The following PARP10 variants were observed in gnomAD, a reference collection of about 807,000 sequenced individuals.
PARP10 encodes protein mono-ADP-ribosyltransferase PARP10.
PARP10 carries 56 observed loss-of-function variants against 82.4 expected under a neutral mutation model. The observed-to-expected ratio is 0.68, with a 90% confidence interval of 0.55 to 0.85. PARP10 has a LOEUF of 0.85. Among genes scored for constraint, PARP10 ranks in the 40% least tolerant of loss-of-function variants. The probability of loss-of-function intolerance (pLI) is 0.00; values close to 1 mark genes in which losing one functional copy is unlikely to be tolerated. For synonymous variants in PARP10, 576 were observed against 601.1 expected (o/e 0.96, Z 0.61); for missense variants, 1,227 against 1,379.4 (o/e 0.89, Z 1.75).
Position 143,985,134 on chromosome 8 carries a change from C to T in PARP10, c.868G>A (p.Ala290Thr), listed in dbSNP as rs199611396. The T allele has an allele frequency of 9.9e-6, 16 of 1,613,990 alleles. No individual in the cohort carries two copies. Among genetic ancestry groups the T allele is most frequent in the Non-Finnish European group, 1.4e-5 (16 of 1,180,024 alleles). The change falls in exon 5 of 11, where the codon GCA becomes ACA. Residue 290 changes from alanine to threonine, a missense_variant. Ala to Thr is a moderately conservative substitution (Grantham distance 58). Transcript: ENST00000313028. ...CCAGAGCCCATTGTCACAGTCCCTG[C>T]ACCCTGCAGAGCCGTCACCAACCCT... ...TGGLVTALQG[A>T]GTVTMGSGEE...
At chr8:144,005,716 A>G (rs782183300) in intron 1 of PARP10, among the ~76,000 whole-genome samples, 48 of 150,358 alleles carry the variant, frequency 3.2e-4, no homozygotes, top group Non-Finnish European at 1.5e-4. Context: ...CCTGCTACCC[A>G]CCCCAGGGCG....
intron 1 of PARP10, chr8:144,012,328 A>G: frequency 1.7e-6 from 1 of 602,974 alleles, no homozygotes; most frequent in Non-Finnish European, 3.0e-6. Context: ...TGGCATGGAG[A>G]GCTGAGGGTG....
At chr8:143,984,482 G>C in intron 5 of PARP10, 51 bp from the exon 6 acceptor site, 1 of 1,591,600 alleles carries the variant, frequency 6.3e-7, no homozygotes. Flanking sequence ...CACAGGAAAG[G>C]TACTTTGAGT....
intron 9 of PARP10, among the ~76,000 whole-genome samples, chr8:143,982,207 C>T (rs975878502): frequency 3.9e-5 from 6 of 152,010 alleles, no homozygotes; most frequent in Non-Finnish European, 7.4e-5. Flanking sequence ...CGGTGGCTCA[C>T]GCCTGTAATC....
intron 1 of PARP10, among the ~76,000 whole-genome samples, chr8:143,997,679 G>A (rs1433285406): frequency 1.3e-5 from 2 of 151,982 alleles, no homozygotes; most frequent in Non-Finnish European, 2.9e-5. Context: ...ACTGAACTGA[G>A]TCCCAGGAGT....
chr8:144,010,742 G>T (rs782802405), intron 1 of PARP10, among the ~76,000 whole-genome samples: 6 of 151,592 alleles, frequency 4.0e-5, no homozygotes, highest in African/African-American at 1.5e-4. Context: ...AAAATTAGCC[G>T]AGTGTGGTGG....
Position 143,986,387 on chromosome 8 carries a change from C to T in PARP10, c.-28G>A. ...CCCGTGGCCGCTAGGCAGCCTCAGG[C>T]CATGAGCTCAGCCAGGACTCCTGTG... is the stretch of plus-strand genomic sequence containing the variant. On this transcript the variant is annotated 5_prime_UTR_variant, in exon 1 of 11. Coordinates refer to ENST00000313028, the MANE Select transcript of PARP10 (RefSeq NM_032789.5). 6.2e-7 allele frequency: 1 copy of T among 1,614,170 alleles called. No individual in the cohort carries two copies. The highest frequency in any genetic ancestry group is 8.5e-7 in the Non-Finnish European group (1 of 1,180,014).
Position 144,012,714 on chromosome 8 carries a change from C to T in PARP10, c.-264G>A, listed in dbSNP as rs1043014576. 67 of 1,551,558 alleles carry T rather than the reference C, an allele frequency of 4.3e-5. No homozygotes were observed. In the Admixed American group the frequency reaches 4.5e-4, roughly 10 times the overall value. ...TGAGGCAACAGCAGGCCTTTCCTCA[C>T]GCCAGAACAATGGTAAGAGGCCTCG... On this transcript the variant is annotated 5_prime_UTR_variant, in exon 1 of 4. Coordinates refer to the PARP10 transcript ENST00000530478.
rs1834251966 is a variant in PARP10 at position 144,008,825 on chromosome 8, T to G, written c.-80+3705A>C. On this transcript the variant is annotated intron_variant, in intron 1 of 3. Coordinates refer to the PARP10 transcript ENST00000530478. The surrounding 1 kb of genome is among the most constrained non-coding windows in gnomAD (Gnocchi z 4.0). ...TATACCAAGCTCAAACCCAACAGAC[T>G]TGGATACCAAAGGACACTTTGTATA... Among the ~76,000 whole-genome samples, 1 of 152,022 alleles carries G rather than the reference T, an allele frequency of 6.6e-6. No homozygotes were observed. Among genetic ancestry groups the G allele is most frequent in the Non-Finnish European group, 1.5e-5 (1 of 68,004 alleles).
At chr8:143,982,136 G>A (rs1329741792) in intron 9 of PARP10, among the ~76,000 whole-genome samples, 1 of 152,110 alleles carries the variant, frequency 6.6e-6, no homozygotes, top group African/African-American at 2.4e-5. Flanking sequence ...GGGTGATGCT[G>A]CTGGCCCCAC....
upstream of PARP10, chr8:143,992,914 A>G (rs1359327683): frequency 9.8e-6 from 13 of 1,319,820 alleles, no homozygotes; most frequent in Non-Finnish European, 1.3e-5. Flanking sequence ...CGGCAGTGCC[A>G]GCTGTACTTC....
At chr8:143,987,348 C>T (rs1834008350), upstream of PARP10, among the ~76,000 whole-genome samples, 1 of 152,212 alleles carries the variant, frequency 6.6e-6, no homozygotes, top group Non-Finnish European at 1.5e-5. Context: ...CCAGCCCCAC[C>T]CCTGCTGTTC....
At chr8:143,990,240 T>C (rs1306290199), upstream of PARP10, 2 of 148,628 alleles carry the variant, frequency 1.3e-5, no homozygotes, top group African/African-American at 2.5e-5. The surrounding 1 kb of genome is among the most constrained non-coding windows in gnomAD (Gnocchi z 5.6). Context: ...TCTGACCCGC[T>C]GCGCCGCGCG....
At chr8:144,006,428 C>T (rs1211653424) in intron 1 of PARP10, among the ~76,000 whole-genome samples, 2 of 152,214 alleles carry the variant, frequency 1.3e-5, no homozygotes, top group East Asian at 1.9e-4. Context: ...GGAAGTGGTG[C>T]TTCTAGTTCC....
At chr8:144,003,314 T>C (rs1255930424) in intron 1 of PARP10, among the ~76,000 whole-genome samples, 2 of 148,848 alleles carry the variant, frequency 1.3e-5, no homozygotes, top group African/African-American at 2.5e-5. Flanking sequence ...TCCCAGCTAC[T>C]GGGGAGGCTG....
chr8:144,002,767 A>G (rs781802902), intron 1 of PARP10, among the ~76,000 whole-genome samples: 3 of 152,184 alleles, frequency 2.0e-5, no homozygotes, highest in Non-Finnish European at 4.4e-5. Context: ...AACATTCAAC[A>G]CTATTCAAAT....
chr8:143,978,224 T>C, intron 9 of PARP10, 143 bp from the exon 10 acceptor site: 3 of 969,782 alleles, frequency 3.1e-6, no homozygotes, highest in Non-Finnish European at 4.4e-6. Context: ...CATCATGCTC[T>C]GTCCAGCAGC....
chr8:143,989,684 G>A (rs1554750136), upstream of PARP10: 1 of 152,202 alleles, frequency 6.6e-6, no homozygotes, highest in African/African-American at 2.4e-5. The surrounding 1 kb of genome is among the most constrained non-coding windows in gnomAD (Gnocchi z 4.3). Context: ...TAAACCACGA[G>A]GCCTCGATTT....
At chr8:143,987,748 G>A (rs981522876), upstream of PARP10, among the ~76,000 whole-genome samples, 42 of 152,098 alleles carry the variant, frequency 2.8e-4, no homozygotes, top group Non-Finnish European at 2.1e-4. Context: ...AAAATTAGCC[G>A]GGCATGGTGG....
Sources: gnomAD v4.1 joint callset for allele counts (sites outside exome capture counted in the v4.1 genomes callset) on GRCh38, gnomAD v4.1.1 for gene constraint, Gnocchi (gnomAD v3.1) non-coding constraint, MANE v1.5 for transcripts, NCBI Gene and HGNC (gene_info 2026-07-23, HGNC 2026-07-21) for gene names.